The following CAB39 variants were observed in gnomAD, a reference collection of about 807,000 sequenced individuals.
The protein encoded by CAB39 is calcium binding protein 39.
CAB39 carries 8 observed loss-of-function variants against 40.0 expected under a neutral mutation model. The observed-to-expected ratio is 0.20, with a 90% CI of 0.12 to 0.36. The LOEUF (loss-of-function observed/expected upper bound fraction) is 0.36. Among genes scored for constraint, CAB39 ranks in the 10% least tolerant of loss-of-function variants. CAB39 has a pLI of 1.00. For synonymous variants in CAB39, 156 were observed against 141.6 expected (o/e 1.10, Z -0.72); for missense variants, 270 against 401.1 (o/e 0.67, Z 2.79).
At chr2:230,747,497 G>A (rs567351261) in intron 1 of CAB39, among the ~76,000 whole-genome samples, 16 of 152,350 alleles carry the variant, frequency 1.1e-4, no homozygotes, top group African/African-American at 3.6e-4. Context: ...ATGTAGATTG[G>A]AACAGTTAAG....
At chr2:230,798,068 G>A (rs1213145777) in intron 4 of CAB39, among the ~76,000 whole-genome samples, 2 of 152,108 alleles carry the variant, frequency 1.3e-5, no homozygotes, top group African/African-American at 4.8e-5. Flanking sequence ...TAATGGCGGG[G>A]AAGGAAGAAG....
Position 230,777,922 on chromosome 2 carries a change from T to C in CAB39, c.115-12950T>C, listed in dbSNP as rs147414467. 3.0e-3 allele frequency among the ~76,000 whole-genome samples: 459 copies of C among 152,334 alleles called. 11 individuals carry two copies. The highest frequency in any genetic ancestry group is 0.027 in the Admixed American group (410 of 15,296). The stretch of plus-strand genomic sequence containing the variant: ...GAAATGAGTCAGAGGCCTTGCACCT[T>C]TTAAAACTCTTCAATAACATTTTGC... On this transcript the variant is annotated intron_variant, in intron 2 of 8. Coordinates refer to ENST00000258418, the MANE Select transcript of CAB39 (RefSeq NM_016289.4).
chr2:230,801,976 G>T (rs965214273), intron 5 of CAB39, among the ~76,000 whole-genome samples: 11 of 150,732 alleles, frequency 7.3e-5, no homozygotes, highest in Non-Finnish European at 1.0e-4. Flanking sequence ...TTTCTTTTTT[G>T]AGGAATTAAG....
intron 1 of CAB39, among the ~76,000 whole-genome samples, chr2:230,749,433 A>G (rs576463652): frequency 7.5e-4 from 114 of 152,204 alleles, no homozygotes; most frequent in Non-Finnish European, 1.0e-3. Context: ...CACTTTTTAT[A>G]TTTAGAAAAA....
intron 2 of CAB39, among the ~76,000 whole-genome samples, chr2:230,788,626 C>G (rs974836384): frequency 6.6e-6 from 1 of 152,176 alleles, no homozygotes; most frequent in Non-Finnish European, 1.5e-5. Context: ...TTCTGTGTCT[C>G]AAAAACTCTA....
chr2:230,747,932 T>G (rs887179981), intron 1 of CAB39, among the ~76,000 whole-genome samples: 1 of 152,236 alleles, frequency 6.6e-6, no homozygotes, highest in African/African-American at 2.4e-5. Context: ...GGATATTTTT[T>G]ACATACGTCA....
chr2:230,813,673 G>C (rs969182432), intron 6 of CAB39, among the ~76,000 whole-genome samples: 16 of 152,096 alleles, frequency 1.1e-4, no homozygotes, highest in African/African-American at 3.9e-4. Flanking sequence ...CTAACATCAA[G>C]ATATGAGAGC....
chr2:230,804,444 C>T (rs185300481), intron 5 of CAB39, among the ~76,000 whole-genome samples: 1 of 152,310 alleles, frequency 6.6e-6, no homozygotes, highest in East Asian at 1.9e-4. Context: ...AAACTACCAT[C>T]AGAGTGAACA....
intron 1 of CAB39, among the ~76,000 whole-genome samples, chr2:230,737,327 G>A (rs1398039499): frequency 6.6e-6 from 1 of 152,112 alleles, no homozygotes; most frequent in Non-Finnish European, 1.5e-5. Context: ...AAACTTCAGT[G>A]CCTGGATTGC....
intron 2 of CAB39, among the ~76,000 whole-genome samples, chr2:230,779,814 G>T (rs1419707301): frequency 6.6e-6 from 1 of 152,226 alleles, no homozygotes; most frequent in East Asian, 1.9e-4. Flanking sequence ...ATCAGAGGAG[G>T]AGAGAGTCAT....
intron 2 of CAB39, among the ~76,000 whole-genome samples, chr2:230,788,762 A>G (rs979131853): frequency 2.0e-5 from 3 of 152,208 alleles, no homozygotes; most frequent in African/African-American, 4.8e-5. Context: ...ATTCCTGTCA[A>G]GAAGTCTGTT....
At chr2:230,763,346 C>A (rs1313573894) in intron 2 of CAB39, among the ~76,000 whole-genome samples, 1 of 152,090 alleles carries the variant, frequency 6.6e-6, no homozygotes. Context: ...AATTCTGACA[C>A]CCTGGGAGGC....
At chr2:230,727,195 A>T (rs1261894354) in intron 1 of CAB39, among the ~76,000 whole-genome samples, 1 of 151,646 alleles carries the variant, frequency 6.6e-6, no homozygotes, top group African/African-American at 2.4e-5. Context: ...ACACTTGAAT[A>T]GATTGTTAAC....
chr2:230,801,231 T>C (rs3792074), intron 5 of CAB39, among the ~76,000 whole-genome samples: 54,971 of 151,956 alleles, frequency 0.36, 13,808 homozygotes, highest in African/African-American at 0.71. Flanking sequence ...CCATCATAAT[T>C]TCAGGGTAGC....
rs369372494 is a variant in CAB39 at position 230,818,692 on chromosome 2, G to A, written c.1014G>A (p.Gln338=). 8.1e-6 allele frequency: 13 copies of A among 1,612,776 alleles called. No individual in the cohort carries two copies. The African/African-American group carries it at 1.6e-4, about 20-fold the overall frequency. The change falls in exon 9 of 9, where the codon CAG becomes CAA. Residue 338 remains glutamine, a synonymous_variant. Transcript: ENST00000258418. The stretch of plus-strand genomic sequence containing the variant: ...TCAGGGATTTGAAGAGACCAGCTCA[G>A]CAAGAAGCTTAATCTCCAATAAACA... ...KQIRDLKRPA[Q]QEA
intron 1 of CAB39, among the ~76,000 whole-genome samples, chr2:230,754,551 C>T (rs1219634386): frequency 6.6e-6 from 1 of 151,838 alleles, no homozygotes; most frequent in Non-Finnish European, 1.5e-5. Context: ...CTCCGTCTTG[C>T]TCTGTTGCTC....
chr2:230,726,488 A>G (rs1694574379), intron 1 of CAB39, among the ~76,000 whole-genome samples: 1 of 151,950 alleles, frequency 6.6e-6, no homozygotes, highest in East Asian at 1.9e-4. Context: ...TGATGTTTTT[A>G]TAGGATCCTT....
intron 2 of CAB39, among the ~76,000 whole-genome samples, chr2:230,766,949 GT>G: frequency 6.6e-6 from 1 of 152,320 alleles, no homozygotes; most frequent in East Asian, 1.9e-4. Context: ...AAAAAAATAA[GT>G]ATAAGATGTC....
rs1017409977 is a variant in CAB39 at position 230,719,816 on chromosome 2, G to C, written c.-44+6586G>C. The stretch of plus-strand genomic sequence containing the variant: ...CTTATTTTCAGTGATTTGTATGTAG[G>C]CTTCTGACTTGCCTTTTTCTCCTGC... On this transcript the variant is annotated intron_variant, in intron 1 of 8. Coordinates refer to ENST00000258418, the MANE Select transcript of CAB39 (RefSeq NM_016289.4). Among the ~76,000 whole-genome samples, 4 of 152,240 alleles carry C rather than the reference G, an allele frequency of 2.6e-5. 1 individual carries two copies. The highest frequency in any genetic ancestry group is 9.6e-5 in the African/African-American group (4 of 41,544).
Sources: allele counts gnomAD v4.1 joint callset (sites outside exome capture counted in the v4.1 genomes callset), GRCh38; gene constraint gnomAD v4.1.1; transcripts MANE v1.5; gene names NCBI Gene and HGNC (gene_info 2026-07-23, HGNC 2026-07-21).